Variants in FAP observed in about 807,000 individuals in gnomAD.
The protein encoded by FAP is prolyl endopeptidase FAP.
Under a neutral mutation model 126.5 loss-of-function variants are expected in FAP, and 110 were observed. The ratio of observed to expected loss-of-function variants is 0.87; its 90% confidence interval spans 0.74 to 1.02. FAP has a LOEUF of 1.02. Ranked by LOEUF, FAP falls within the 50% of genes least tolerant of loss-of-function variation. The pLI is 0.00. For missense variants in FAP, 919 were observed against 909.2 expected (o/e 1.01, Z -0.14); for synonymous variants, 334 against 297.3 (o/e 1.12, Z -1.27).
At chr2:162,236,364 G>C (rs1216426045) in intron 2 of FAP, among the ~76,000 whole-genome samples, 2 of 151,786 alleles carry the variant, frequency 1.3e-5, no homozygotes, top group African/African-American at 2.4e-5. Flanking sequence ...AAACGTTTGT[G>C]AAGAATTTGT....
chr2:162,188,104 AAC>A, intron 20 of FAP, 63 bp downstream of exon 20: 2 of 1,287,482 alleles, frequency 1.6e-6, no homozygotes, highest in South Asian at 2.7e-5. Flanking sequence ...AGAATGGAGA[AAC>A]ACAATAGTGA....
intron 11 of FAP, among the ~76,000 whole-genome samples, chr2:162,210,563 T>C (rs1688889520): frequency 6.6e-6 from 1 of 151,948 alleles, no homozygotes; most frequent in African/African-American, 2.4e-5. Context: ...TATGGCTGAG[T>C]GGAGAGTGAC....
chr2:162,188,090 A>C, intron 20 of FAP, 79 bp downstream of exon 20: 2 of 1,173,930 alleles, frequency 1.7e-6, no homozygotes, highest in Non-Finnish European at 2.5e-6. Flanking sequence ...GAATTAAGTC[A>C]TGAAGAATGG....
intron 2 of FAP, among the ~76,000 whole-genome samples, chr2:162,239,234 G>A (rs945907689): frequency 6.6e-6 from 1 of 151,258 alleles, no homozygotes; most frequent in Non-Finnish European, 1.5e-5. Context: ...AAAGGGTTTC[G>A]CCATGTTGCC....
At chr2:162,212,517 G>C (rs76185325) in intron 11 of FAP, among the ~76,000 whole-genome samples, 5 of 151,918 alleles carry the variant, frequency 3.3e-5, no homozygotes, top group African/African-American at 1.2e-4. Context: ...AAAATTAGTC[G>C]AGCCTCTCAC....
chr2:162,243,308 T>C lies in FAP; in HGVS notation c.6+14A>G. ...CCTAATTTTTTAAGAATACTTGAGG[T>C]TGCTTATACTAACCTTCATTTTTCC... is the stretch of plus-strand genomic sequence containing the variant. On this transcript the variant is annotated intron_variant, in intron 1 of 25. Coordinates refer to ENST00000188790, the MANE Select transcript of FAP (RefSeq NM_004460.5). The C allele has an allele frequency of 6.3e-7, 1 of 1,595,202 alleles. No homozygotes were observed. Among genetic ancestry groups the C allele is most frequent in the Non-Finnish European group, 8.6e-7 (1 of 1,164,936 alleles).
rs1209463964 is a variant in FAP, at chr2:162,224,490, T to A, written c.336A>T (p.Val112=). ...NYGLSPDRQF[V]YLESDYSKLW... ...CCTTTGAATAATCACTTTCTAGATA[T>A]ACAAATTGCCGATCAGGTGATAAGC... is the stretch of plus-strand genomic sequence containing the variant. Residue 112 remains valine, a synonymous_variant, in exon 5 of 26, where the codon GTA becomes GTT. Coordinates refer to ENST00000188790, the MANE Select transcript of FAP (RefSeq NM_004460.5). 1 of 1,596,790 alleles carries A rather than the reference T, an allele frequency of 6.3e-7. No individual in the cohort carries two copies. Among genetic ancestry groups the A allele is most frequent in the African/African-American group, 1.3e-5 (1 of 74,200 alleles).
At chr2:162,181,698 T>C (rs958155235) in intron 21 of FAP, among the ~76,000 whole-genome samples, 1 of 152,220 alleles carries the variant, frequency 6.6e-6, no homozygotes, top group African/African-American at 2.4e-5. Flanking sequence ...TGCTGAGCCA[T>C]TGCTTATTTT....
chr2:162,173,315 A>G, intron 23 of FAP, 94 bp from the exon 24 acceptor site: 1 of 860,222 alleles, frequency 1.2e-6, no homozygotes, highest in Non-Finnish European at 2.0e-6. Context: ...ACCAATACTG[A>G]AATTATGTAT....
intron 2 of FAP, among the ~76,000 whole-genome samples, chr2:162,231,734 A>G (rs1357080034): frequency 6.6e-6 from 1 of 152,202 alleles, no homozygotes; most frequent in African/African-American, 2.4e-5. Context: ...GTTGTGCTTC[A>G]ATTAGGCTTC....
At chr2:162,214,596 T>A (rs1157171249) in intron 10 of FAP, among the ~76,000 whole-genome samples, 2 of 150,632 alleles carry the variant, frequency 1.3e-5, no homozygotes, top group African/African-American at 4.9e-5. Flanking sequence ...ACTCAAATAA[T>A]GTTTGGCACA....
chr2:162,202,742 T>A (rs1231224551), intron 14 of FAP, 130 bp downstream of exon 14: 2 of 579,178 alleles, frequency 3.5e-6, no homozygotes, highest in Non-Finnish European at 5.8e-6. Flanking sequence ...CAATCGTAAA[T>A]GAACTCACAA....
intron 14 of FAP, among the ~76,000 whole-genome samples, chr2:162,201,542 C>T (rs550038517): frequency 6.6e-5 from 10 of 152,282 alleles, no homozygotes; most frequent in East Asian, 5.8e-4. Context: ...CAACAGCCCC[C>T]GGCCACTTCC....
intron 11 of FAP, among the ~76,000 whole-genome samples, chr2:162,211,175 T>G (rs1307421226): frequency 2.0e-5 from 3 of 152,158 alleles, no homozygotes. Flanking sequence ...CCCTTCATTC[T>G]TTTCTCCATC....
At chr2:162,227,248 C>A (rs907063722) in intron 2 of FAP, among the ~76,000 whole-genome samples, 1 of 151,970 alleles carries the variant, frequency 6.6e-6, no homozygotes, top group Admixed American at 6.6e-5. Context: ...AAAAGAAAAC[C>A]CCTTGATCTA....
intron 21 of FAP, among the ~76,000 whole-genome samples, chr2:162,177,057 A>G (rs971930205): frequency 1.8e-4 from 27 of 152,156 alleles, no homozygotes; most frequent in Non-Finnish European, 3.7e-4. Context: ...GGGAAAAAAG[A>G]AAACCCGAGT....
chr2:162,243,401 A>G lies in FAP; in HGVS notation c.-74T>C. 6.4e-7 allele frequency: 1 copy of G among 1,574,512 alleles called. No individual in the cohort carries two copies. The highest frequency in any genetic ancestry group is 1.4e-5 in the African/African-American group (1 of 72,412). Reference sequence around the variant, plus strand: ...GTCACTGGATCTGTGAAAACCGTTGAAAAGGACCAAGTCTGTCTTTGTAGT... The same window carrying G: ...GTCACTGGATCTGTGAAAACCGTTGGAAAGGACCAAGTCTGTCTTTGTAGT... On this transcript the variant is annotated 5_prime_UTR_variant, in exon 1 of 26. Transcript: ENST00000188790.
chr2:162,198,907 AG>A, intron 15 of FAP, 26 bp from the exon 16 acceptor site: 1 of 1,608,940 alleles, frequency 6.2e-7, no homozygotes, highest in East Asian at 2.2e-5. Context: ...AATAAAACTA[AG>A]CTGAAATTTT....
At chr2:162,213,108 T>C (rs774683616) in intron 11 of FAP, among the ~76,000 whole-genome samples, 1 of 152,158 alleles carries the variant, frequency 6.6e-6, no homozygotes, top group African/African-American at 2.4e-5. Context: ...CTGGGTGCAG[T>C]GGCTCATGCC....
Sources: allele counts gnomAD v4.1 joint callset (sites outside exome capture counted in the v4.1 genomes callset), GRCh38; gene constraint gnomAD v4.1.1; transcripts MANE v1.5; gene names NCBI Gene and HGNC (gene_info 2026-07-23, HGNC 2026-07-21).